Variants in PAPPA observed in about 807,000 individuals in gnomAD.
The protein encoded by PAPPA is pappalysin-1.
A neutral mutation model predicts 164.0 loss-of-function variants in PAPPA; 60 were observed. That is an observed-to-expected ratio of 0.37 (90% CI 0.30 to 0.45). The LOEUF is 0.45. Among genes scored for constraint, PAPPA ranks in the 20% least tolerant of loss-of-function variants. The pLI, the probability that PAPPA is intolerant of heterozygous loss-of-function variation, is 1.00. For synonymous variants in PAPPA, 875 were observed against 814.1 expected (o/e 1.07, Z -1.27); for missense variants, 1,782 against 2,087.3 (o/e 0.85, Z 2.85).
At chr9:116,168,718 C>T (rs144381264) in intron 1 of PAPPA, among the ~76,000 whole-genome samples, 2,711 of 152,230 alleles carry the variant, frequency 0.018, 40 homozygotes, top group Non-Finnish European at 0.026. Context: ...TAGATACTTA[C>T]CCAGAGTATC....
chr9:116,290,751 C>G (rs1845426113), intron 9 of PAPPA, among the ~76,000 whole-genome samples: 1 of 151,326 alleles, frequency 6.6e-6, no homozygotes, highest in South Asian at 2.1e-4. Context: ...GCTGAAACTC[C>G]CTTTGTAGTT....
chr9:116,295,548 G>A (rs576109706), intron 9 of PAPPA, among the ~76,000 whole-genome samples: 1 of 99,524 alleles, frequency 1.0e-5, no homozygotes, highest in Non-Finnish European at 2.1e-5. Flanking sequence ...AGCGAGACTC[G>A]GTCTCAAAAA....
chr9:116,226,212 T>C (rs1587960675), intron 5 of PAPPA, among the ~76,000 whole-genome samples: 1 of 152,184 alleles, frequency 6.6e-6, no homozygotes, highest in East Asian at 1.9e-4. Context: ...TTATAGGGCA[T>C]TAGGGGATAA....
intron 2 of PAPPA, 138 bp downstream of exon 2, chr9:116,188,354 CT>C: frequency 1.6e-6 from 1 of 642,368 alleles, no homozygotes; most frequent in Non-Finnish European, 2.7e-6. Flanking sequence ...TGAGGCAAGT[CT>C]TTTACTCGGG....
At position 116,235,566 on chromosome 9, in the gene PAPPA, G is replaced by T. The variant is rs370416357; in HGVS notation, c.2661G>T (p.Lys887Asn). The T allele has an allele frequency of 1.2e-6, 2 of 1,613,496 alleles. No individual in the cohort carries two copies. The highest frequency in any genetic ancestry group is 1.7e-6 in the Non-Finnish European group (2 of 1,179,954). Residue 887 changes from lysine to asparagine, a missense_variant, in exon 7 of 22, where the codon AAG becomes AAT. Lys to Asn is a moderately conservative substitution (Grantham distance 94). Coordinates refer to ENST00000328252, the MANE Select transcript of PAPPA (RefSeq NM_002581.5). ...LCLQCKPLKY[K>N]VVRDPPLQMD... ...TACAGTGTAAGCCCCTGAAGTATAA[G>T]GTGGTCCGGGACCCTCCTCTCCAGA...
At chr9:116,377,191 CAT>C (rs899389584) in intron 19 of PAPPA, among the ~76,000 whole-genome samples, 3 of 151,432 alleles carry the variant, frequency 2.0e-5, no homozygotes, top group South Asian at 2.1e-4. Context: ...CACACACACA[CAT>C]GCAAACACAC....
chr9:116,206,400 G>A (rs1844236227), intron 2 of PAPPA, among the ~76,000 whole-genome samples: 1 of 152,132 alleles, frequency 6.6e-6, no homozygotes, highest in Admixed American at 6.6e-5. Context: ...TCCACCCATA[G>A]AAATGATCTG....
intron 14 of PAPPA, 59 bp from the exon 15 acceptor site, chr9:116,346,967 T>A (rs1846218370): frequency 1.4e-6 from 2 of 1,435,172 alleles, no homozygotes; most frequent in East Asian, 4.9e-5. Context: ...AAGAAGGGTA[T>A]TTCTCCACAT....
At chr9:116,262,620 G>A (rs17260413) in intron 7 of PAPPA, among the ~76,000 whole-genome samples, 24,978 of 152,150 alleles carry the variant, frequency 0.16, 2,346 homozygotes, top group Middle Eastern at 0.25. Context: ...TGCTTTGGCC[G>A]TCAAGATTGA....
chr9:116,214,591 G>A (rs1436796597), intron 4 of PAPPA, among the ~76,000 whole-genome samples: 2 of 152,124 alleles, frequency 1.3e-5, no homozygotes, highest in South Asian at 2.1e-4. Flanking sequence ...AGTTGATGGG[G>A]GGAAGCCTAA....
chr9:116,202,862 C>A (rs890900664), intron 2 of PAPPA, among the ~76,000 whole-genome samples: 1 of 152,126 alleles, frequency 6.6e-6, no homozygotes, highest in Admixed American at 6.6e-5. Flanking sequence ...GTTTAACAGA[C>A]CATGTCCCAA....
At position 116,254,650 on chromosome 9, in the gene PAPPA, T is replaced by C. The variant is rs187842811; in HGVS notation, c.2733-11207T>C. Among the ~76,000 whole-genome samples the C allele has an allele frequency of 7.5e-3, 1,142 of 151,608 alleles. 16 individuals are homozygous for C. The highest frequency in any genetic ancestry group is 0.026 in the African/African-American group (1,071 of 41,350). On this transcript the variant is annotated intron_variant, in intron 7 of 21. Coordinates refer to ENST00000328252, the MANE Select transcript of PAPPA (RefSeq NM_002581.5). ...ACAAAAAATTAGCCGGGCGTGGTGGTGGGCGCCTGTAATCCCAGCTACTCA... is the reference window on the plus strand; with the variant it reads ...ACAAAAAATTAGCCGGGCGTGGTGGCGGGCGCCTGTAATCCCAGCTACTCA...
At chr9:116,377,903 T>G (rs1474950479) in intron 20 of PAPPA, among the ~76,000 whole-genome samples, 1 of 152,106 alleles carries the variant, frequency 6.6e-6, no homozygotes, top group Non-Finnish European at 1.5e-5. Flanking sequence ...CTTTTGTGGC[T>G]CCAGAGCCTG....
At position 116,211,833 on chromosome 9, in the gene PAPPA, C is replaced by T; in HGVS notation, c.1819C>T (p.Pro607Ser). 6.2e-7 allele frequency: 1 copy of T among 1,614,106 alleles called. No homozygotes were observed. The highest frequency in any genetic ancestry group is 8.5e-7 in the Non-Finnish European group (1 of 1,179,996). The change falls in exon 4 of 22, where the codon CCT (proline) becomes TCT (serine). Residue 607 changes from proline to serine, a missense_variant. Around this residue, in one of 2 missense-constraint regions of PAPPA, gnomAD observed 1,324 missense variants for 1,656.9 expected, o/e 0.80. Transcript: ENST00000328252. ...GDLCNDTNPA[P>S]KHKSCGDPGP... ...CCTCTGCAATGATACCAACCCAGCCCCTAAACACAAGTCCTGTGGTGACCC... is the reference window on the plus strand; with the variant it reads ...CCTCTGCAATGATACCAACCCAGCCTCTAAACACAAGTCCTGTGGTGACCC...
chr9:116,202,585 AC>A (rs1168358816), intron 2 of PAPPA, among the ~76,000 whole-genome samples: 4 of 152,148 alleles, frequency 2.6e-5, no homozygotes, highest in African/African-American at 9.7e-5. Flanking sequence ...GACAAGAGAC[AC>A]TGAGTTACCA....
At chr9:116,245,618 A>T (rs1404789291) in intron 7 of PAPPA, among the ~76,000 whole-genome samples, 4 of 152,190 alleles carry the variant, frequency 2.6e-5, no homozygotes, top group Non-Finnish European at 5.9e-5. Context: ...CTGTTTAATG[A>T]TTCTCCAACT....
In PAPPA at chr9:116,334,985, G is replaced by A. The variant is rs754542128; in HGVS notation, c.3522G>A (p.Ser1174=). Residue 1174 remains serine (S), a synonymous_variant, in exon 13 of 22, where the codon TCG becomes TCA. Coordinates refer to ENST00000328252, the MANE Select transcript of PAPPA (RefSeq NM_002581.5). ...VSFSSPLVAI[S]GVALRSFDNF... is the part of the protein sequence containing the mutation. ...TCAGTTCGCCCCTGGTCGCCATCTCGGGGGTGGCCCTCCGTTCCTTCGACA... is the reference window on the plus strand; with the variant it reads ...TCAGTTCGCCCCTGGTCGCCATCTCAGGGGTGGCCCTCCGTTCCTTCGACA... 1.9e-6 allele frequency: 3 copies of A among 1,613,928 alleles called. No individual in the cohort carries two copies. The highest frequency in any genetic ancestry group is 2.2e-5 in the East Asian group (1 of 44,828).
intron 5 of PAPPA, among the ~76,000 whole-genome samples, chr9:116,225,981 A>G (rs888450559): frequency 2.0e-5 from 3 of 150,256 alleles, no homozygotes; most frequent in Non-Finnish European, 2.9e-5. Context: ...GGACCTCACA[A>G]TCTATTAGGA....
intron 8 of PAPPA, among the ~76,000 whole-genome samples, chr9:116,267,615 T>C (rs1373953989): frequency 1.3e-5 from 2 of 152,098 alleles, no homozygotes; most frequent in Non-Finnish European, 2.9e-5. Flanking sequence ...GGCTCACGCC[T>C]GTAATCCCAG....
Sources: allele counts gnomAD v4.1 joint callset (sites outside exome capture counted in the v4.1 genomes callset), GRCh38; gene constraint gnomAD v4.1.1; regional missense constraint gnomAD v4.1.1; transcripts MANE v1.5; gene names NCBI Gene and HGNC (gene_info 2026-07-23, HGNC 2026-07-21).